The following IGFN1 variants were observed in gnomAD, a reference collection of about 807,000 sequenced individuals.
The protein encoded by IGFN1 is immunoglobulin-like and fibronectin type III domain-containing protein 1.
A neutral mutation model predicts 289.5 loss-of-function variants in IGFN1; 253 were observed. That is an observed-to-expected ratio of 0.87 (90% CI 0.79 to 0.97). IGFN1 has a LOEUF of 0.97. Ranked by LOEUF, IGFN1 falls within the 50% of genes least tolerant of loss-of-function variation. IGFN1 has a pLI of 0.00. For missense variants in IGFN1, 4,470 were observed against 4,686.1 expected (o/e 0.95, Z 1.35); for synonymous variants, 1,706 against 1,788.5 (o/e 0.95, Z 1.16).
At chr1:201,214,153 G>A (rs769796628) in intron 12 of IGFN1, 24 bp from the exon 13 acceptor site, 1 of 1,596,524 alleles carries the variant, frequency 6.3e-7, no homozygotes, top group Non-Finnish European at 8.5e-7. Flanking sequence ...CTCGGCCCTG[G>A]GGATTCCCTC....
At chr1:201,194,421 G>T (rs1052159810) in intron 3 of IGFN1, 148 bp downstream of exon 3, 2 of 839,320 alleles carry the variant, frequency 2.4e-6, no homozygotes, top group Non-Finnish European at 3.6e-6. Flanking sequence ...TCCTTGAGGG[G>T]GTATGTGCTT....
chr1:201,212,689 T>C lies in IGFN1; in HGVS notation c.7796T>C (p.Leu2599Pro), dbSNP rs1222137496. 2 of 1,547,958 alleles carry C rather than the reference T, an allele frequency of 1.3e-6. No homozygotes were observed. Among genetic ancestry groups the C allele is most frequent in the African/African-American group, 1.4e-5 (1 of 73,074 alleles). ...SGSSVGTGQD[L>P]DSGSMPGGRG... ...AGTTCAGTGGGGACAGGTCAGGATC[T>C]GGACAGCGGCTCTATGCCTGGGGGA... Residue 2599 changes from leucine to proline, a missense_variant, in exon 12 of 24, where the codon CTG (leucine) becomes CCG (proline). Coordinates refer to ENST00000335211, the MANE Select transcript of IGFN1 (RefSeq NM_001164586.2).
In IGFN1 at chr1:201,219,987, TGTCTGTCA is replaced by T. The variant is rs537964134; in HGVS notation, c.9898+1330_9898+1337del. Among the ~76,000 whole-genome samples, 108 of 152,034 alleles carry T rather than the reference TGTCTGTCA, an allele frequency of 7.1e-4. No individual in the cohort carries two copies. The South Asian group carries it at 0.021, about 29-fold the overall frequency. Reference sequence around the variant, plus strand: ...TCTCTCTTTCTTTCTTTTTTCTGTCTGTCTGTCATTCTTTCTTTCTCTCTCTCTCTCCC... The same window carrying T: ...TCTCTCTTTCTTTCTTTTTTCTGTCTTTCTTTCTTTCTCTCTCTCTCTCCC... On this transcript the variant is annotated intron_variant, in intron 18 of 23. Transcript: ENST00000335211.
chr1:201,221,068 G>A (rs10753897), intron 18 of IGFN1, among the ~76,000 whole-genome samples: 137,277 of 152,284 alleles, frequency 0.9, 61,992 homozygotes, highest in East Asian at 1. Context: ...AGAGCTTAGA[G>A]TCCAGAATAA....
chr1:201,211,793 C>T lies in IGFN1; in HGVS notation c.6900C>T (p.Ser2300=), dbSNP rs145233714. Residue 2300 remains serine (S), a synonymous_variant, in exon 12 of 24, where the codon AGC becomes AGT. Transcript: ENST00000335211. ...GTTCTGGGAGGAATCCATTAGGGAGCGAGGCAGGTTCTAGGGGTAGTTTGG... is the reference window on the plus strand; with the variant it reads ...GTTCTGGGAGGAATCCATTAGGGAGTGAGGCAGGTTCTAGGGGTAGTTTGG... The part of the protein sequence containing the change: ...LGGSGRNPLG[S]EAGSRGSLED... The T allele has an allele frequency of 2.3e-4, 351 of 1,536,532 alleles. 1 individual carries two copies. The highest frequency in any genetic ancestry group is 2.1e-3 in the Admixed American group (105 of 50,942).
At chr1:201,200,610 G>A (rs1036199578) in intron 8 of IGFN1, among the ~76,000 whole-genome samples, 199 bp downstream of exon 8, 1 of 152,134 alleles carries the variant, frequency 6.6e-6, no homozygotes, top group African/African-American at 2.4e-5. Flanking sequence ...TTTGCAACCT[G>A]GTTCTGATAC....
Position 201,203,743 on chromosome 1 carries a change from T to C in IGFN1, c.753T>C (p.Gly251=). Residue 251 remains glycine, a synonymous_variant, in exon 10 of 24, where the codon GGT becomes GGC. Transcript: ENST00000335211. ...TCTTCCTTTTCTGGCCTTAGGATGG[T>C]GAGATGATCCCCTATGGCTTCAACA... is the stretch of plus-strand genomic sequence containing the variant. ...SQSKIYLYKD[G]EMIPYGFNNQ... 6.4e-7 allele frequency: 1 copy of C among 1,550,648 alleles called. No homozygotes were observed. The highest frequency in any genetic ancestry group is 8.7e-7 in the Non-Finnish European group (1 of 1,146,254).
intron 21 of IGFN1, among the ~76,000 whole-genome samples, chr1:201,225,429 G>A (rs900397300): frequency 6.6e-6 from 1 of 152,028 alleles, no homozygotes; most frequent in Non-Finnish European, 1.5e-5. Context: ...CCATCTCTGC[G>A]AAAAATACAA....
At chr1:201,220,349 A>T (rs533890644) in intron 18 of IGFN1, among the ~76,000 whole-genome samples, 17 of 152,128 alleles carry the variant, frequency 1.1e-4, no homozygotes, top group African/African-American at 3.6e-4. Context: ...CACCCTGCTA[A>T]TTTATCTTTT....
rs1667402407 is a variant in IGFN1, at chr1:201,206,083, C to T, written c.1190C>T (p.Ala397Val). ...CCATATGAATAACCCCTCACTGAAG[C>T]TGGGAAGGATAAAGACCTTCAGTCC... is the stretch of plus-strand genomic sequence containing the variant. ...YTSSAWLVVE[A>V]GKDKDLQSTS... The change falls in exon 12 of 24, where the codon GCT becomes GTT. Residue 397 changes from alanine to valine, a missense_variant and splice_region_variant. Ala to Val is a moderately conservative substitution (Grantham distance 64). Transcript: ENST00000335211. 1.3e-6 allele frequency: 2 copies of T among 1,540,460 alleles called. No individual in the cohort carries two copies. The highest frequency in any genetic ancestry group is 1.8e-6 in the Non-Finnish European group (2 of 1,138,380).
At position 201,212,599 on chromosome 1, in the gene IGFN1, A is replaced by G. The variant is rs1234281627; in HGVS notation, c.7706A>G (p.Gln2569Arg). The G allele has an allele frequency of 2.6e-6, 4 of 1,546,970 alleles. No individual in the cohort carries two copies. The highest frequency in any genetic ancestry group is 3.3e-4 in the Middle Eastern group (2 of 5,988). Residue 2569 changes from glutamine to arginine, a missense_variant, in exon 12 of 24, where the codon CAG becomes CGG. Around this residue, in one of 8 missense-constraint regions of IGFN1, gnomAD observed 2,218 missense variants for 2,114.1 expected, o/e 1.05. Coordinates refer to ENST00000335211, the MANE Select transcript of IGFN1 (RefSeq NM_001164586.2). ...ACAGACAGGGGTAGAGTTGCTGGCC[A>G]GGGGGGGTTGGCATCTCAGGGAGGT... Reference protein sequence around the residue: ...GMTDRGRVAGQGGLASQGGGD... With the variant: ...GMTDRGRVAGRGGLASQGGGD...
In IGFN1 at chr1:201,205,689, C is replaced by T. The variant is rs557755793; in HGVS notation, c.1189+335C>T. 3.9e-5 allele frequency among the ~76,000 whole-genome samples: 6 copies of T among 152,274 alleles called. No homozygotes were observed. In the East Asian group the frequency reaches 5.8e-4, roughly 15 times the overall value. On this transcript the variant is annotated intron_variant, in intron 11 of 23. Transcript: ENST00000335211. ...AAACTTCCCTGGGGATAGAAATTTGCGTTCCAGATGTTCCCAGGAAAGTGT... is the reference window on the plus strand; with the variant it reads ...AAACTTCCCTGGGGATAGAAATTTGTGTTCCAGATGTTCCCAGGAAAGTGT...
Position 201,226,135 on chromosome 1 carries a change from CT to C in IGFN1, c.10786+13del. 1 of 1,569,090 alleles carries C rather than the reference CT, an allele frequency of 6.4e-7. No homozygotes were observed. The highest frequency in any genetic ancestry group is 8.6e-7 in the Non-Finnish European group (1 of 1,156,670). On this transcript the variant is annotated intron_variant, in intron 22 of 23. Coordinates refer to ENST00000335211, the MANE Select transcript of IGFN1 (RefSeq NM_001164586.2). ...CCCCCGGCAGCGCGGTAAGCAGCCC[CT>C]GAGAGGGAGGAGCAGGCAGGGTGGG...
intron 13 of IGFN1, 126 bp downstream of exon 13, chr1:201,214,427 C>G (rs144153730): frequency 8.9e-6 from 9 of 1,010,578 alleles, no homozygotes; most frequent in Middle Eastern, 4.5e-4. Flanking sequence ...GTATCCACCT[C>G]AGGAGAAGTT....
chr1:201,214,303 T>A lies in IGFN1; in HGVS notation c.8853+2T>A. ...ACCTGGTTTAAGGATGGCGTCAAGG[T>A]ACTGCCTCCCCTCACACCTTCTCTT... On this transcript the variant is annotated splice_donor_variant, in intron 13 of 23. Coordinates refer to ENST00000335211, the MANE Select transcript of IGFN1 (RefSeq NM_001164586.2). LOFTEE classifies it high-confidence loss of function. The A allele has an allele frequency of 6.2e-7, 1 of 1,605,624 alleles. No homozygotes were observed. The highest frequency in any genetic ancestry group is 8.5e-7 in the Non-Finnish European group (1 of 1,173,558).
At chr1:201,221,899 G>A (rs904383228) in intron 19 of IGFN1, among the ~76,000 whole-genome samples, 153 bp downstream of exon 19, 1 of 152,214 alleles carries the variant, frequency 6.6e-6, no homozygotes, top group African/African-American at 2.4e-5. Context: ...GCTAGGTACT[G>A]GGCTAGGCAG....
rs1654091502 is a variant in IGFN1 at position 201,226,250 on chromosome 1, A to C, written c.10786+127A>C. 4 of 1,099,446 alleles carry C rather than the reference A, an allele frequency of 3.6e-6. No homozygotes were observed. The East Asian group carries it at 1.2e-4, about 33-fold the overall frequency. The allele number at this position is 1,099,446 out of a possible 1,614,324, so 68.1% of individuals were successfully genotyped here. A position where few individuals can be genotyped will look rare whatever the true frequency, so the allele number is the denominator to read the frequency against. On this transcript the variant is annotated intron_variant, in intron 22 of 23. Coordinates refer to ENST00000335211, the MANE Select transcript of IGFN1 (RefSeq NM_001164586.2). The stretch of plus-strand genomic sequence containing the variant: ...GGCAGGGATGGCCTGGAGCATGCCA[A>C]ATAACAGCCAGCAGCCCCGAGCTGC...
chr1:201,195,425 T>C (rs550546520), intron 3 of IGFN1, among the ~76,000 whole-genome samples: 21 of 152,176 alleles, frequency 1.4e-4, no homozygotes, highest in Non-Finnish European at 3.1e-4. Context: ...GTGCTGGGAT[T>C]ACATGCGTGA....
rs988748946 is a variant in IGFN1, at chr1:201,203,589, C to A, written c.748-149C>A. 2.1e-5 allele frequency: 14 copies of A among 679,884 alleles called. No homozygotes were observed. The African/African-American group carries it at 2.2e-4, about 11-fold the overall frequency. The allele number at this position is 679,884 out of a possible 1,614,324, so 42.1% of individuals were successfully genotyped here. On this transcript the variant is annotated intron_variant, in intron 9 of 23. Transcript: ENST00000335211. Reference sequence around the variant, plus strand: ...ATGTTCTCCAGGCCCTGCTGTCCACCCCATCCCAGCTCCTCTATGGTTCCA... The same window carrying A: ...ATGTTCTCCAGGCCCTGCTGTCCACACCATCCCAGCTCCTCTATGGTTCCA...
Sources: gnomAD v4.1 joint callset for allele counts (sites outside exome capture counted in the v4.1 genomes callset) on GRCh38, gnomAD v4.1.1 for gene constraint, gnomAD v4.1.1 regional missense constraint, MANE v1.5 for transcripts, NCBI Gene and HGNC (gene_info 2026-07-23, HGNC 2026-07-21) for gene names.